GRIA2: variants seen among roughly 807,000 people sequenced by gnomAD.
GRIA2 encodes the protein glutamate receptor 2.
Under a neutral mutation model 97.3 loss-of-function variants are expected in GRIA2, and 14 were observed. That is an observed-to-expected ratio of 0.14 (90% confidence interval 0.10 to 0.23). The LOEUF is 0.23. Among genes scored for constraint, GRIA2 ranks in the 10% least tolerant of loss-of-function variants. The pLI, the probability that GRIA2 is intolerant of heterozygous loss-of-function variation, is 1.00. For missense variants in GRIA2, 558 were observed against 1,069.8 expected (o/e 0.52, Z 6.67); for synonymous variants, 412 against 387.8 (o/e 1.06, Z -0.73).
rs1579280682 is a variant in GRIA2 at position 157,220,748 on chromosome 4, G to A, written c.-295G>A. On this transcript the variant is annotated 5_prime_UTR_variant, in exon 1 of 16. Transcript: ENST00000264426. ...AGGGTGAGTGTGTGTGAGTGCATGGGAGGGTGCTGAATATTCCGAGACACT... is the reference window on the plus strand; with the variant it reads ...AGGGTGAGTGTGTGTGAGTGCATGGAAGGGTGCTGAATATTCCGAGACACT... The A allele has an allele frequency of 2.1e-6, 1 of 478,758 alleles. No individual in the cohort carries two copies. The highest frequency in any genetic ancestry group is 3.9e-5 in the East Asian group (1 of 25,752). 29.7% of individuals were successfully genotyped at this position (478,758 alleles called of 1,614,324 possible).
intron 12 of GRIA2, among the ~76,000 whole-genome samples, chr4:157,351,442 A>C (rs1736006541): frequency 6.6e-6 from 1 of 152,188 alleles, no homozygotes; most frequent in African/African-American, 2.4e-5. Context: ...TATAATGAGT[A>C]GGCATTCCAT....
chr4:157,342,398 G>A, intron 12 of GRIA2: 1 of 984,098 alleles, frequency 1.0e-6, no homozygotes, highest in South Asian at 4.7e-5. Context: ...TGGGAGTGGG[G>A]GTGGTAGAAC....
At chr4:157,347,905 C>A in intron 12 of GRIA2, among the ~76,000 whole-genome samples, 1 of 152,106 alleles carries the variant, frequency 6.6e-6, no homozygotes, top group East Asian at 1.9e-4. Context: ...GCAGGCAGAT[C>A]TCGAGGTCAA....
intron 2 of GRIA2, among the ~76,000 whole-genome samples, chr4:157,277,882 G>GTATATATGTA (rs1560743395): frequency 7.1e-6 from 1 of 140,996 alleles, no homozygotes; most frequent in African/African-American, 2.6e-5. Flanking sequence ...GTATATATAT[G>GTATATATGTA]TATATATGTA....
chr4:157,268,315 G>C (rs1336050260), intron 2 of GRIA2, among the ~76,000 whole-genome samples: 1 of 151,968 alleles, frequency 6.6e-6, no homozygotes, highest in Non-Finnish European at 1.5e-5. Flanking sequence ...TCATGTTCTA[G>C]AAGTTAATAG....
At chr4:157,223,576 G>A (rs1044297979) in intron 2 of GRIA2, among the ~76,000 whole-genome samples, 1 of 152,172 alleles carries the variant, frequency 6.6e-6, no homozygotes, top group Non-Finnish European at 1.5e-5. Context: ...ATATCAGTAA[G>A]TTCCAATTTT....
At chr4:157,280,481 A>ACTTTATGG (rs1732544866) in intron 2 of GRIA2, among the ~76,000 whole-genome samples, 1 of 152,050 alleles carries the variant, frequency 6.6e-6, no homozygotes, top group Non-Finnish European at 1.5e-5. Flanking sequence ...TTTTCCTAAA[A>ACTTTATGG]CTTTATGGCT....
chr4:157,362,549 A>G (rs1736677497), intron 14 of GRIA2: 3 of 589,938 alleles, frequency 5.1e-6, no homozygotes, highest in South Asian at 3.2e-5. Context: ...AATGTTTAAG[A>G]AATGAATAAA....
intron 12 of GRIA2, among the ~76,000 whole-genome samples, chr4:157,351,503 A>G (rs1736008844): frequency 6.6e-6 from 1 of 152,184 alleles, no homozygotes; most frequent in Non-Finnish European, 1.5e-5. Context: ...TGGAAATAAC[A>G]TTTGCATTGA....
chr4:157,357,180 T>A (rs951790147), intron 12 of GRIA2, among the ~76,000 whole-genome samples: 6 of 152,286 alleles, frequency 3.9e-5, no homozygotes, highest in African/African-American at 1.2e-4. Flanking sequence ...ATATTCTGAA[T>A]TGTCTCTCAG....
At chr4:157,317,603 T>C (rs1734381190) in intron 4 of GRIA2, 55 bp from the exon 5 acceptor site, 4 of 722,284 alleles carry the variant, frequency 5.5e-6, no homozygotes, top group Non-Finnish European at 9.7e-6. Flanking sequence ...ATACCATTAA[T>C]TTTACACTTG....
At chr4:157,238,976 G>T (rs1730374274) in intron 2 of GRIA2, among the ~76,000 whole-genome samples, 2 of 151,962 alleles carry the variant, frequency 1.3e-5, no homozygotes, top group Non-Finnish European at 2.9e-5. Flanking sequence ...GTTTATTAAA[G>T]TCTTTTGCCC....
intron 3 of GRIA2, among the ~76,000 whole-genome samples, chr4:157,310,624 A>G (rs1208180555): frequency 6.6e-6 from 1 of 151,960 alleles, no homozygotes; most frequent in African/African-American, 2.4e-5. Context: ...TGATTTTTAT[A>G]TTTTAAATAT....
chr4:157,229,084 A>C (rs942781084), intron 2 of GRIA2, among the ~76,000 whole-genome samples: 3 of 152,178 alleles, frequency 2.0e-5, no homozygotes, highest in African/African-American at 7.2e-5. Context: ...AAATGTACAG[A>C]ATCACAAAAG....
At chr4:157,229,643 A>G (rs975840411) in intron 2 of GRIA2, among the ~76,000 whole-genome samples, 10 of 152,268 alleles carry the variant, frequency 6.6e-5, no homozygotes, top group South Asian at 4.1e-4. Flanking sequence ...ATAATTTTAT[A>G]TATTTATGGT....
At chr4:157,263,649 C>A (rs767561461) in intron 2 of GRIA2, among the ~76,000 whole-genome samples, 1 of 151,960 alleles carries the variant, frequency 6.6e-6, no homozygotes, top group Non-Finnish European at 1.5e-5. Flanking sequence ...TTCTGTACCC[C>A]GTTGCCCTAA....
At chr4:157,290,706 T>C (rs1209178955) in intron 2 of GRIA2, among the ~76,000 whole-genome samples, 2 of 151,830 alleles carry the variant, frequency 1.3e-5, no homozygotes, top group African/African-American at 4.8e-5. Flanking sequence ...TTCTTAAAAG[T>C]TTGAAATCAG....
chr4:157,352,124 T>C (rs1285526424), intron 12 of GRIA2, among the ~76,000 whole-genome samples: 2 of 152,208 alleles, frequency 1.3e-5, no homozygotes, highest in Non-Finnish European at 2.9e-5. Context: ...TATGTAGATA[T>C]TTACTGGATT....
At chr4:157,333,396 G>A (rs746872186) in intron 8 of GRIA2, 43 bp downstream of exon 8, 9 of 971,544 alleles carry the variant, frequency 9.3e-6, no homozygotes, top group African/African-American at 6.6e-5. Context: ...GTGAGGAGGT[G>A]AGTTAGCTAG....
Sources: gnomAD v4.1 joint callset for allele counts (sites outside exome capture counted in the v4.1 genomes callset) on GRCh38, gnomAD v4.1.1 for gene constraint, MANE v1.5 for transcripts, NCBI Gene and HGNC (gene_info 2026-07-23, HGNC 2026-07-21) for gene names.